Variants in ADAM18 observed in about 807,000 individuals in gnomAD.
ADAM18 encodes the protein disintegrin and metalloproteinase domain-containing protein 18.
ADAM18 carries 117 observed loss-of-function variants against 94.4 expected under a neutral mutation model. The observed-to-expected ratio is 1.24, with a 90% confidence interval of 1.07 to 1.45. ADAM18 has a LOEUF of 1.45. Ranked by LOEUF, ADAM18 falls within the 40% of genes most tolerant of loss-of-function variation. The pLI is 0.00. For synonymous variants in ADAM18, 327 were observed against 291.6 expected (o/e 1.12, Z -1.24); for missense variants, 936 against 880.0 (o/e 1.06, Z -0.81).
intron 6 of ADAM18, among the ~76,000 whole-genome samples, chr8:39,623,822 T>C (rs1336710162): frequency 2.6e-5 from 4 of 152,138 alleles, no homozygotes; most frequent in Non-Finnish European, 5.9e-5. Flanking sequence ...GGTGTTGATC[T>C]CCTGACCTCG....
chr8:39,596,158 AG>A lies in ADAM18; in HGVS notation c.133-10148del, dbSNP rs556845378. ...GCGGCCTCGCTGACTATCAGATCTC[AG>A]ATGTTTGTTTCAATTAACAAATCTA... is the stretch of plus-strand genomic sequence containing the variant. On this transcript the variant is annotated intron_variant, in intron 2 of 19. Transcript: ENST00000265707. Among the ~76,000 whole-genome samples, 4 of 152,352 alleles carry A rather than the reference AG, an allele frequency of 2.6e-5. No homozygotes were observed. In the South Asian group the frequency reaches 8.3e-4, roughly 32 times the overall value.
chr8:39,626,730 G>A (rs190089387), intron 6 of ADAM18, among the ~76,000 whole-genome samples: 39 of 152,128 alleles, frequency 2.6e-4, no homozygotes, highest in African/African-American at 8.4e-4. Flanking sequence ...TCCTTTTGGA[G>A]TTGATTTTTA....
intron 12 of ADAM18, among the ~76,000 whole-genome samples, chr8:39,653,188 T>G (rs934124301): frequency 2.6e-5 from 4 of 152,208 alleles, no homozygotes; most frequent in Non-Finnish European, 5.9e-5. Context: ...AGTTTGTGTG[T>G]CAACGCATGT....
intron 15 of ADAM18, among the ~76,000 whole-genome samples, chr8:39,678,241 G>A (rs954799125): frequency 1.3e-5 from 2 of 152,154 alleles, no homozygotes; most frequent in Admixed American, 1.3e-4. Flanking sequence ...AAGACTTATA[G>A]CCAGGAAAAA....
rs117698106 is a variant in ADAM18, at chr8:39,704,360, A to G, written c.1903-2430A>G. Among the ~76,000 whole-genome samples, 196 of 152,226 alleles carry G rather than the reference A, an allele frequency of 1.3e-3. 4 individuals carry two copies. The East Asian group carries it at 0.02, about 16-fold the overall frequency. Reference sequence around the variant, plus strand: ...AGCACATCAAAAAAGATTATCCACCACAATCAGATAGTCTTCATCTCCAGG... The same window carrying G: ...AGCACATCAAAAAAGATTATCCACCGCAATCAGATAGTCTTCATCTCCAGG... On this transcript the variant is annotated intron_variant, in intron 17 of 19. Transcript: ENST00000265707.
chr8:39,665,472 T>C (rs1820971252), intron 13 of ADAM18, among the ~76,000 whole-genome samples: 2 of 152,190 alleles, frequency 1.3e-5, no homozygotes, highest in Admixed American at 6.5e-5. Flanking sequence ...AGGAGAGGGA[T>C]TGCTGGATCA....
intron 11 of ADAM18, among the ~76,000 whole-genome samples, chr8:39,647,336 C>T (rs980543478): frequency 1.3e-5 from 2 of 152,064 alleles, no homozygotes; most frequent in African/African-American, 4.8e-5. Context: ...TTATGTTTCT[C>T]TCCTCCCAAA....
chr8:39,705,128 T>C (rs1822204186), intron 17 of ADAM18, among the ~76,000 whole-genome samples: 1 of 152,174 alleles, frequency 6.6e-6, no homozygotes, highest in South Asian at 2.1e-4. Flanking sequence ...CTTTTAGTCT[T>C]ATCAGGGAAG....
At chr8:39,663,625 A>AG (rs1563296698) in intron 12 of ADAM18, among the ~76,000 whole-genome samples, 170 bp from the exon 13 acceptor site, 1 of 149,148 alleles carries the variant, frequency 6.7e-6, no homozygotes, top group Non-Finnish European at 1.5e-5. Context: ...AAAAAAAAAA[A>AG]AAGAAGAAGA....
In ADAM18 at chr8:39,631,001, C is replaced by T. The variant is rs144335546; in HGVS notation, c.588+1562C>T. 4.6e-5 allele frequency among the ~76,000 whole-genome samples: 7 copies of T among 151,856 alleles called. No homozygotes were observed. In the East Asian group the frequency reaches 1.4e-3, roughly 29 times the overall value. The stretch of plus-strand genomic sequence containing the variant: ...ATTGAGTTTGAGCATATTTTCATAC[C>T]ATTGTTTACTATTTGGATTTTTTGA... On this transcript the variant is annotated intron_variant, in intron 7 of 19. Transcript: ENST00000265707.
chr8:39,608,095 CAT>C (rs1488481043), intron 3 of ADAM18, among the ~76,000 whole-genome samples: 2 of 151,868 alleles, frequency 1.3e-5, no homozygotes, highest in Non-Finnish European at 1.5e-5. Flanking sequence ...GAAAAAAAAA[CAT>C]GTAAAAAGTC....
At chr8:39,703,273 T>C (rs1822139809) in intron 17 of ADAM18, among the ~76,000 whole-genome samples, 2 of 152,304 alleles carry the variant, frequency 1.3e-5, no homozygotes, top group South Asian at 2.1e-4. Context: ...GCGATTTGGC[T>C]CTCCGGTTGA....
intron 17 of ADAM18, among the ~76,000 whole-genome samples, chr8:39,700,833 T>C (rs1822046864): frequency 6.6e-6 from 1 of 151,860 alleles, no homozygotes. Flanking sequence ...CCCCACCAAC[T>C]ATTGACCCAT....
At chr8:39,621,803 T>A (rs956206910) in intron 6 of ADAM18, among the ~76,000 whole-genome samples, 2 of 152,200 alleles carry the variant, frequency 1.3e-5, no homozygotes, top group Non-Finnish European at 1.5e-5. Flanking sequence ...GAAGCTGTTA[T>A]CCTCATCAAA....
chr8:39,627,438 A>C (rs775448398), intron 6 of ADAM18, among the ~76,000 whole-genome samples: 21 of 149,138 alleles, frequency 1.4e-4, no homozygotes, highest in Non-Finnish European at 7.4e-5. Context: ...GATTATTACC[A>C]TATTTAGGTG....
At chr8:39,596,646 A>T (rs1340769995) in intron 2 of ADAM18, among the ~76,000 whole-genome samples, 5 of 152,194 alleles carry the variant, frequency 3.3e-5, no homozygotes, top group African/African-American at 1.2e-4. Flanking sequence ...TTCTGTATAG[A>T]TATTTGTATG....
At chr8:39,696,312 T>C (rs1821927187) in intron 17 of ADAM18, among the ~76,000 whole-genome samples, 2 of 73,770 alleles carry the variant, frequency 2.7e-5, no homozygotes. Context: ...TGATTTGCTA[T>C]TTTTCCATTC....
In ADAM18 at chr8:39,627,966, T is replaced by C. The variant is rs148542053; in HGVS notation, c.523-1408T>C. Among the ~76,000 whole-genome samples the C allele has an allele frequency of 3.4e-3, 523 of 152,230 alleles. 5 individuals carry two copies. The highest frequency in any genetic ancestry group is 0.012 in the African/African-American group (502 of 41,552). On this transcript the variant is annotated intron_variant, in intron 6 of 19. Coordinates refer to ENST00000265707, the MANE Select transcript of ADAM18 (RefSeq NM_014237.3). ...TGAAAAAGACTTTACTTATCCTTCA[T>C]TTATAAAACTTAGTTTTGCTGGCTA...
intron 6 of ADAM18, among the ~76,000 whole-genome samples, chr8:39,613,142 C>T (rs1819327780): frequency 6.6e-6 from 1 of 152,176 alleles, no homozygotes; most frequent in Admixed American, 6.5e-5. Flanking sequence ...CCCTGCTACA[C>T]CACTGTCCAG....
Sources: gnomAD v4.1 joint callset for allele counts (sites outside exome capture counted in the v4.1 genomes callset) on GRCh38, gnomAD v4.1.1 for gene constraint, MANE v1.5 for transcripts, NCBI Gene and HGNC (gene_info 2026-07-23, HGNC 2026-07-21) for gene names.